The following ELP1 variants were observed in gnomAD, a reference collection of about 807,000 sequenced individuals.
ELP1 encodes elongator complex protein 1.
ELP1 carries 131 observed loss-of-function variants against 183.2 expected under a neutral mutation model. The observed-to-expected ratio is 0.72, with a 90% CI of 0.62 to 0.83. The LOEUF is 0.83. Among genes scored for constraint, ELP1 ranks in the 40% least tolerant of loss-of-function variants. The pLI is 0.00. For missense variants in ELP1, 1,550 were observed against 1,594.9 expected, an observed-to-expected ratio of 0.97 and a Z score of 0.48; for synonymous variants, 555 against 569.0, an observed-to-expected ratio of 0.98 and a Z score of 0.35.
intron 3 of ELP1, 22 bp downstream of exon 3, chr9:108,929,747 C>G (rs372412188): frequency 1.1e-4 from 184 of 1,612,972 alleles, no homozygotes; most frequent in East Asian, 3.3e-4. Context: ...AGACTCCCCC[C>G]TCACTGGAGT....
At chr9:108,875,317 T>C (rs930706800) in intron 35 of ELP1, among the ~76,000 whole-genome samples, 2 of 152,228 alleles carry the variant, frequency 1.3e-5, no homozygotes, top group Admixed American at 1.3e-4. Flanking sequence ...AGAGTATCAA[T>C]TATACGCAAA....
At chr9:108,917,521 AG>A in intron 9 of ELP1, 25 bp downstream of exon 9, 1 of 1,610,046 alleles carries the variant, frequency 6.2e-7, no homozygotes, top group Non-Finnish European at 8.5e-7. Flanking sequence ...TCTACATTCG[AG>A]GGTGAAACAA....
rs917756957 is a variant in ELP1, at chr9:108,877,923, T to G, written c.3855+72A>C. On this transcript the variant is annotated intron_variant, in intron 35 of 36. Coordinates refer to ENST00000374647, the MANE Select transcript of ELP1 (RefSeq NM_003640.5). ...TTTAAGAACAGGAAAACTTTTTGAC[T>G]TGGAGATTGTGTGAATACAATAACC... The G allele has an allele frequency of 2.6e-5, 39 of 1,521,876 alleles. No homozygotes were observed. The African/African-American group carries it at 5.1e-4, about 20-fold the overall frequency. 94.3% of individuals were successfully genotyped at this position (1,521,876 alleles called of 1,614,324 possible). A position where few individuals can be genotyped will look rare whatever the true frequency, so the allele number is the denominator to read the frequency against.
intron 13 of ELP1, among the ~76,000 whole-genome samples, chr9:108,907,248 T>C (rs1371483432): frequency 6.6e-6 from 1 of 152,150 alleles, no homozygotes; most frequent in Non-Finnish European, 1.5e-5. Flanking sequence ...TCACGATGAG[T>C]ACTCATGTCT....
Position 108,922,927 on chromosome 9 carries a change from C to A in ELP1, c.467G>T (p.Ser156Ile), listed in dbSNP as rs1438474317. 6.2e-7 allele frequency: 1 copy of A among 1,611,040 alleles called. No individual in the cohort carries two copies. Among genetic ancestry groups the A allele is most frequent in the Non-Finnish European group, 8.5e-7 (1 of 1,177,302 alleles). The change falls in exon 6 of 37, where the codon AGC (serine) becomes ATC (isoleucine). Residue 156 changes from serine to isoleucine, a missense_variant and splice_region_variant. Ser to Ile is a moderately radical substitution (Grantham distance 142). Coordinates refer to ENST00000374647, the MANE Select transcript of ELP1 (RefSeq NM_003640.5). ...QQIHQDDFGESKFITVGWGRK... is the reference protein window; with the variant it reads ...QQIHQDDFGEIKFITVGWGRK... ...ACCCCATCCAACAGTGATAAACTTG[C>A]CTACAGAACAATTGGCAAGACAACT...
At chr9:108,893,220 G>A in intron 26 of ELP1, 137 bp from the exon 27 acceptor site, 4 of 697,140 alleles carry the variant, frequency 5.7e-6, no homozygotes, top group Admixed American at 4.4e-5. Context: ...TGAAGAATGG[G>A]ATCCTGGAAT....
chr9:108,905,760 A>G (rs981829533), intron 14 of ELP1, among the ~76,000 whole-genome samples: 2 of 152,124 alleles, frequency 1.3e-5, no homozygotes, highest in African/African-American at 4.8e-5. Flanking sequence ...GGTATGGCCT[A>G]TTGCTACCAG....
Position 108,908,354 on chromosome 9 carries a change from T to C in ELP1, c.1411A>G (p.Ser471Gly). The change falls in exon 13 of 37, where the codon AGT (serine) becomes GGT (glycine). Residue 471 changes from serine to glycine, a missense_variant. Coordinates refer to ENST00000374647, the MANE Select transcript of ELP1 (RefSeq NM_003640.5). ...PTVKLGAVGGSGFKVCLRTPH... is the reference protein window; with the variant it reads ...PTVKLGAVGGGGFKVCLRTPH... Reference sequence around the variant, plus strand: ...GTTCTAAGGCAAACTTTAAATCCACTTCCACCCACAGCTCCCAGTTTCACT... The same window carrying C: ...GTTCTAAGGCAAACTTTAAATCCACCTCCACCCACAGCTCCCAGTTTCACT... The C allele has an allele frequency of 1.2e-6, 2 of 1,614,184 alleles. No individual in the cohort carries two copies. Among genetic ancestry groups the C allele is most frequent in the Non-Finnish European group, 1.7e-6 (2 of 1,180,018 alleles).
chr9:108,932,899 C>T (rs1409865740), intron 1 of ELP1, among the ~76,000 whole-genome samples: 1 of 152,184 alleles, frequency 6.6e-6, no homozygotes, highest in African/African-American at 2.4e-5. Context: ...AAGATCCCTC[C>T]ACACCAAAGG....
rs1353940550 is a variant in ELP1, at chr9:108,868,333, T to C, written c.*782A>G. The C allele has an allele frequency of 1.2e-5, 2 of 166,822 alleles. No homozygotes were observed. Among genetic ancestry groups the C allele is most frequent in the African/African-American group, 4.7e-5 (2 of 42,174 alleles). The allele number at this position is 166,822 out of a possible 1,614,324, so 10.3% of individuals were successfully genotyped here. A position where few individuals can be genotyped will look rare whatever the true frequency, so the allele number is the denominator to read the frequency against. On this transcript the variant is annotated 3_prime_UTR_variant, in exon 37 of 37. Coordinates refer to ENST00000374647, the MANE Select transcript of ELP1 (RefSeq NM_003640.5). ...GTACCATGACGAAAAATAAATGAAG[T>C]GGCCTAGACACTAACAAAAATATCT...
chr9:108,914,652 CT>C (rs1829364506), intron 10 of ELP1, among the ~76,000 whole-genome samples: 1 of 152,018 alleles, frequency 6.6e-6, no homozygotes, highest in South Asian at 2.1e-4. Flanking sequence ...TTGAGACAGT[CT>C]CACTCTGTCG....
At position 108,872,776 on chromosome 9, in the gene ELP1, G is replaced by A. The variant is rs925597647; in HGVS notation, c.3931+2119C>T. Reference sequence around the variant, plus strand: ...GCCGAGATTGCGCCACTGCACTCCCGCCTGGGCCACAGAGCAAGACTCTGT... The same window carrying A: ...GCCGAGATTGCGCCACTGCACTCCCACCTGGGCCACAGAGCAAGACTCTGT... On this transcript the variant is annotated intron_variant, in intron 36 of 36. Transcript: ENST00000374647. Among the ~76,000 whole-genome samples, 16 of 112,598 alleles carry A rather than the reference G, an allele frequency of 1.4e-4. No individual in the cohort carries two copies. In the South Asian group the frequency reaches 2.2e-3, roughly 15 times the overall value. The allele number at this position is 112,598 out of a possible 152,430, so 73.9% of individuals were successfully genotyped here. A position where few individuals can be genotyped will look rare whatever the true frequency, so the allele number is the denominator to read the frequency against.
intron 6 of ELP1, among the ~76,000 whole-genome samples, chr9:108,920,057 G>A (rs1389117173): frequency 1.3e-5 from 2 of 152,136 alleles, no homozygotes; most frequent in Non-Finnish European, 2.9e-5. Flanking sequence ...CTGTCCTAGG[G>A]TATAGAAACC....
intron 25 of ELP1, 84 bp downstream of exon 25, chr9:108,896,412 G>T: frequency 1.6e-6 from 2 of 1,277,748 alleles, no homozygotes; most frequent in South Asian, 2.4e-5. Context: ...TAGCAGAAAA[G>T]CTACTGCACT....
chr9:108,928,383 G>A lies in ELP1; in HGVS notation c.304-930C>T, dbSNP rs73526125. On this transcript the variant is annotated intron_variant, in intron 3 of 36. Transcript: ENST00000374647. ...CCAAGATCTCTGGAAAGCAAAATGC[G>A]TCTCAGCACAGGGAATGACAAGTGG... 3.8e-3 allele frequency among the ~76,000 whole-genome samples: 574 copies of A among 152,216 alleles called. 4 individuals carry two copies. The highest frequency in any genetic ancestry group is 0.013 in the African/African-American group (550 of 41,524).
intron 18 of ELP1, among the ~76,000 whole-genome samples, 180 bp from the exon 19 acceptor site, chr9:108,900,555 C>T (rs947082800): frequency 1.3e-5 from 2 of 152,260 alleles, no homozygotes; most frequent in Non-Finnish European, 2.9e-5. Context: ...ATCCCTGGAA[C>T]TTGCCCTCTC....
At chr9:108,896,860 T>A in intron 24 of ELP1, 93 bp downstream of exon 24, 1 of 1,228,290 alleles carries the variant, frequency 8.1e-7, no homozygotes, top group African/African-American at 1.5e-5. Flanking sequence ...ATGTTAAATC[T>A]GTGGTGTGGC....
At chr9:108,902,759 A>C in intron 16 of ELP1, 80 bp downstream of exon 16, 2 of 1,066,768 alleles carry the variant, frequency 1.9e-6, no homozygotes, top group Non-Finnish European at 2.9e-6. Context: ...TCCACCTCCA[A>C]AGCCCACGCT....
intron 36 of ELP1, among the ~76,000 whole-genome samples, chr9:108,870,603 G>A (rs928923155): frequency 1.3e-5 from 2 of 151,990 alleles, no homozygotes; most frequent in African/African-American, 4.8e-5. Flanking sequence ...TTAAAGAGGA[G>A]GCAAGAGAGG....
Sources: allele counts gnomAD v4.1 joint callset (sites outside exome capture counted in the v4.1 genomes callset), GRCh38; gene constraint gnomAD v4.1.1; transcripts MANE v1.5; gene names NCBI Gene and HGNC (gene_info 2026-07-23, HGNC 2026-07-21).